The following WWC2 variants were observed in gnomAD, a reference collection of about 807,000 sequenced individuals.
The protein encoded by WWC2 is protein WWC2.
WWC2 carries 101 observed loss-of-function variants against 138.5 expected under a neutral mutation model. The ratio of observed to expected loss-of-function variants is 0.73; its 90% confidence interval spans 0.62 to 0.86. The LOEUF is 0.86. Ranked by LOEUF, WWC2 falls within the 40% of genes least tolerant of loss-of-function variation. The probability of loss-of-function intolerance (pLI) is 0.00; values close to 1 mark genes in which losing one functional copy is unlikely to be tolerated. For synonymous variants in WWC2, 558 were observed against 538.4 expected, an observed-to-expected ratio of 1.04 and a Z score of -0.50; for missense variants, 1,420 against 1,419.4, an observed-to-expected ratio of 1.00 and a Z score of -0.01.
intron 2 of WWC2, among the ~76,000 whole-genome samples, chr4:183,202,691 A>G (rs1392551839): frequency 1.3e-5 from 2 of 152,138 alleles, no homozygotes; most frequent in Admixed American, 6.6e-5. Context: ...AGTGTTGAGC[A>G]TATGTATATA....
chr4:183,125,809 G>A (rs1732739959), intron 1 of WWC2, among the ~76,000 whole-genome samples: 1 of 152,200 alleles, frequency 6.6e-6, no homozygotes, highest in Non-Finnish European at 1.5e-5. Context: ...CTCCATGTTA[G>A]AAGGGAGAAA....
intron 1 of WWC2, among the ~76,000 whole-genome samples, chr4:183,147,159 A>G (rs1271422594): frequency 6.6e-6 from 1 of 152,206 alleles, no homozygotes; most frequent in Non-Finnish European, 1.5e-5. Context: ...TTACTCCTCC[A>G]GTCTCAACTT....
In WWC2 at chr4:183,320,311, A is replaced by G. The variant is rs893935231; in HGVS notation, c.*4582A>G. ...ACTTGTGTTATAACTTATGAAACTC[A>G]GAAATATTTCTTCATTGTGTATATA... is the stretch of plus-strand genomic sequence containing the variant. On this transcript the variant is annotated 3_prime_UTR_variant, in exon 23 of 23. Coordinates refer to ENST00000403733, the MANE Select transcript of WWC2 (RefSeq NM_024949.6). 5 of 1,185,560 alleles carry G rather than the reference A, an allele frequency of 4.2e-6. No homozygotes were observed. In the African/African-American group the frequency reaches 6.2e-5, roughly 15 times the overall value. The allele number at this position is 1,185,560 out of a possible 1,614,324, so 73.4% of individuals were successfully genotyped here.
intron 16 of WWC2, 143 bp downstream of exon 16, chr4:183,271,384 A>T: frequency 1.5e-6 from 1 of 660,682 alleles, no homozygotes; most frequent in Non-Finnish European, 2.2e-6. Flanking sequence ...TCCTTTCACA[A>T]CTTTGATTTT....
At chr4:183,315,636 T>C (rs1739408195) in intron 22 of WWC2, 27 bp from the exon 23 acceptor site, 2 of 1,590,774 alleles carry the variant, frequency 1.3e-6, no homozygotes, top group East Asian at 4.5e-5. Context: ...CATATATAAG[T>C]CAATTTATTT....
At position 183,099,367 on chromosome 4, in the gene WWC2, T is replaced by C. The variant is rs780057465; in HGVS notation, c.-125T>C. 7 of 1,024,420 alleles carry C rather than the reference T, an allele frequency of 6.8e-6. No individual in the cohort carries two copies. The highest frequency in any genetic ancestry group is 8.5e-6 in the Non-Finnish European group (7 of 823,406). The allele number at this position is 1,024,420 out of a possible 1,614,324, so 63.5% of individuals were successfully genotyped here. A position where few individuals can be genotyped will look rare whatever the true frequency, so the allele number is the denominator to read the frequency against. On this transcript the variant is annotated 5_prime_UTR_variant, in exon 1 of 23. Coordinates refer to ENST00000403733, the MANE Select transcript of WWC2 (RefSeq NM_024949.6). ...CGTGGTTCCGCCGCGCCCCGCGCCC[T>C]GCGCCCCTCAGCCCCTCGCCGGCGC...
intron 21 of WWC2, among the ~76,000 whole-genome samples, chr4:183,299,483 G>A (rs572930549): frequency 2.0e-5 from 3 of 152,216 alleles, no homozygotes; most frequent in South Asian, 2.1e-4. Flanking sequence ...GGTTTTTATC[G>A]TTATTTTTAA....
At chr4:183,112,070 C>T (rs1321126765) in intron 1 of WWC2, among the ~76,000 whole-genome samples, 2 of 152,170 alleles carry the variant, frequency 1.3e-5, no homozygotes, top group South Asian at 2.1e-4. Flanking sequence ...TGATATTTCT[C>T]ATAGGACAGC....
In WWC2 at chr4:183,320,358, C is replaced by T; in HGVS notation, c.*4629C>T. The T allele has an allele frequency of 1.2e-6, 1 of 818,028 alleles. No homozygotes were observed. The highest frequency in any genetic ancestry group is 1.9e-5 in the South Asian group (1 of 52,736). 50.7% of individuals were successfully genotyped at this position (818,028 alleles called of 1,614,324 possible). A position where few individuals can be genotyped will look rare whatever the true frequency, so the allele number is the denominator to read the frequency against. On this transcript the variant is annotated 3_prime_UTR_variant, in exon 23 of 23. Coordinates refer to ENST00000403733, the MANE Select transcript of WWC2 (RefSeq NM_024949.6). ...TATAGGAGGATTCTTGCCAGAGTTG[C>T]TATTGTTTGATTCCATGTTGAATGG...
intron 4 of WWC2, among the ~76,000 whole-genome samples, chr4:183,219,149 A>G (rs1383794434): frequency 6.6e-6 from 1 of 152,158 alleles, no homozygotes; most frequent in Admixed American, 6.5e-5. Context: ...TTTCATAGAC[A>G]CAGAAAATAG....
At chr4:183,114,141 C>T (rs1732337989) in intron 1 of WWC2, among the ~76,000 whole-genome samples, 1 of 152,030 alleles carries the variant, frequency 6.6e-6, no homozygotes, top group African/African-American at 2.4e-5. Flanking sequence ...TGGGTGAGTT[C>T]TTGCAGTATC....
chr4:183,161,750 CT>C (rs1439928799), intron 1 of WWC2, among the ~76,000 whole-genome samples: 2 of 152,196 alleles, frequency 1.3e-5, no homozygotes, highest in Non-Finnish European at 2.9e-5. Flanking sequence ...AGCGAAAGGC[CT>C]TTCCATATGG....
intron 1 of WWC2, among the ~76,000 whole-genome samples, chr4:183,116,254 A>G (rs1335914810): frequency 6.6e-6 from 1 of 152,148 alleles, no homozygotes; most frequent in African/African-American, 2.4e-5. Flanking sequence ...CCACTGTGCT[A>G]AAGATGATGA....
chr4:183,308,443 A>G (rs749258596), intron 21 of WWC2, among the ~76,000 whole-genome samples: 4 of 152,176 alleles, frequency 2.6e-5, no homozygotes, highest in Non-Finnish European at 5.9e-5. Flanking sequence ...AAGTTGGAGG[A>G]CTGACGCTAC....
rs1019030276 is a variant in WWC2, at chr4:183,169,280, C to T, written c.132-24319C>T. On this transcript the variant is annotated intron_variant, in intron 1 of 22. Transcript: ENST00000403733. ...TTTTGCTTAATCATTATTGATGCTCCTTGAAATTTTACGTGTTGCTATAAA... is the reference window on the plus strand; with the variant it reads ...TTTTGCTTAATCATTATTGATGCTCTTTGAAATTTTACGTGTTGCTATAAA... Among the ~76,000 whole-genome samples, 3 of 152,150 alleles carry T rather than the reference C, an allele frequency of 2.0e-5. No individual in the cohort carries two copies. In the East Asian group the frequency reaches 5.8e-4, roughly 29 times the overall value.
At chr4:183,159,214 T>G (rs1733889140) in intron 1 of WWC2, among the ~76,000 whole-genome samples, 2 of 152,228 alleles carry the variant, frequency 1.3e-5, no homozygotes, top group African/African-American at 4.8e-5. Flanking sequence ...TAGAATTTGA[T>G]GTTCACTTTT....
Position 183,318,461 on chromosome 4 carries a change from G to C in WWC2, c.*2732G>C, listed in dbSNP as rs1210558883. On this transcript the variant is annotated 3_prime_UTR_variant, in exon 23 of 23. Transcript: ENST00000403733. ...TAACTGGTTTCTGCACTTTCCATGT[G>C]TTTGTGGGTGGAAAAAAATTCAGTG... The C allele has an allele frequency of 6.8e-6, 1 of 147,400 alleles. No homozygotes were observed. The highest frequency in any genetic ancestry group is 1.5e-5 in the Non-Finnish European group (1 of 67,064). 9.1% of individuals were successfully genotyped at this position (147,400 alleles called of 1,614,324 possible).
At chr4:183,268,835 T>C in intron 14 of WWC2, 136 bp from the exon 15 acceptor site, 2 of 983,948 alleles carry the variant, frequency 2.0e-6, no homozygotes, top group Non-Finnish European at 3.0e-6. Context: ...GGACCCGTGA[T>C]GGCAGCAACA....
At chr4:183,312,873 G>A (rs1579080402) in intron 22 of WWC2, among the ~76,000 whole-genome samples, 1 of 152,190 alleles carries the variant, frequency 6.6e-6, no homozygotes, top group Non-Finnish European at 1.5e-5. Flanking sequence ...ATGTGCATTC[G>A]TTCTGCTCTT....
Sources: allele counts gnomAD v4.1 joint callset (sites outside exome capture counted in the v4.1 genomes callset), GRCh38; gene constraint gnomAD v4.1.1; transcripts MANE v1.5; gene names NCBI Gene and HGNC (gene_info 2026-07-23, HGNC 2026-07-21).